Variants in FCGR3B observed in about 807,000 individuals in gnomAD.
The protein encoded by FCGR3B is Fc gamma receptor IIIb.
Under a neutral mutation model 26.7 loss-of-function variants are expected in FCGR3B, and 20 were observed. The ratio of observed to expected loss-of-function variants is 0.75; its 90% CI spans 0.53 to 1.09. FCGR3B has a LOEUF of 1.09. FCGR3B is among the 50% of genes least tolerant of loss of function. The pLI is 0.00. For missense variants in FCGR3B, 191 were observed against 279.7 expected, an observed-to-expected ratio of 0.68 and a Z score of 2.26; for synonymous variants, 79 against 107.0, an observed-to-expected ratio of 0.74 and a Z score of 1.62.
At position 161,623,826 on chromosome 1, in the gene FCGR3B, C is replaced by T. The variant is rs1224706912; in HGVS notation, c.*689G>A. 1 of 147,848 alleles carries T rather than the reference C, an allele frequency of 6.8e-6. No individual in the cohort carries two copies. Among genetic ancestry groups the T allele is most frequent in the Non-Finnish European group, 1.5e-5 (1 of 67,306 alleles). The allele number at this position is 147,848 out of a possible 1,614,324, so 9.2% of individuals were successfully genotyped here. A position where few individuals can be genotyped will look rare whatever the true frequency, so the allele number is the denominator to read the frequency against. On this transcript the variant is annotated 3_prime_UTR_variant, in exon 5 of 5. Transcript: ENST00000650385. ...AAATGGTCCAGTTCTGATAGAGTCCCCTGGAAGACTCAATTCTACGTCACC... is the reference window on the plus strand; with the variant it reads ...AAATGGTCCAGTTCTGATAGAGTCCTCTGGAAGACTCAATTCTACGTCACC...
At chr1:161,627,669 T>C (rs1026907629) in intron 3 of FCGR3B, among the ~76,000 whole-genome samples, 1 of 150,356 alleles carries the variant, frequency 6.7e-6, no homozygotes, top group African/African-American at 2.5e-5. Context: ...TCATGGTTAG[T>C]ATATAGTCTG....
rs777230967 is a variant in FCGR3B, at chr1:161,630,070, G to T, written c.62-35C>A. 24 of 1,433,038 alleles carry T rather than the reference G, an allele frequency of 1.7e-5. 1 individual carries two copies. Among genetic ancestry groups the T allele is most frequent in the Middle Eastern group, 2.1e-4 (1 of 4,780 alleles). 88.8% of individuals were successfully genotyped at this position (1,433,038 alleles called of 1,614,324 possible). ...CAAGATAATGTGGGGTGAGGACAGG[G>T]AGAGGAGCAGGCTCTACACTGCCAT... On this transcript the variant is annotated intron_variant, in intron 2 of 4. Transcript: ENST00000650385.
At chr1:161,627,901 T>G (rs1374535692) in intron 3 of FCGR3B, among the ~76,000 whole-genome samples, 2 of 150,058 alleles carry the variant, frequency 1.3e-5, no homozygotes, top group African/African-American at 5.0e-5. Context: ...CAATACAATA[T>G]GACGAGTGCT....
In FCGR3B at chr1:161,626,280, T is replaced by C; in HGVS notation, c.442A>G (p.Arg148Gly). The change falls in exon 4 of 5, where the codon AGG becomes GGG. Residue 148 changes from arginine (R) to glycine (G), a missense_variant. By Grantham distance (125) the Arg-to-Gly change is moderately radical. Around this residue, in one of 2 missense-constraint regions of FCGR3B, gnomAD observed 103 missense variants for 114.5 expected, o/e 0.90. Transcript: ENST00000650385. The stretch of plus-strand genomic sequence containing the variant: ...TCAGAATTATGATGAAAATACTTCC[T>C]GTCTTTGCCATTCTGTAAATATGTG... ...KVTYLQNGKD[R>G]KYFHHNSDFH... 1 of 1,608,792 alleles carries C rather than the reference T, an allele frequency of 6.2e-7. No homozygotes were observed. The highest frequency in any genetic ancestry group is 8.5e-7 in the Non-Finnish European group (1 of 1,177,726).
rs569548715 is a variant in FCGR3B at position 161,628,839 on chromosome 1, C to T, written c.319+939G>A. Among the ~76,000 whole-genome samples the T allele has an allele frequency of 1.2e-4, 17 of 145,172 alleles. 2 individuals carry two copies. The highest frequency in any genetic ancestry group is 4.1e-4 in the East Asian group (2 of 4,874). On this transcript the variant is annotated intron_variant, in intron 3 of 4. Coordinates refer to ENST00000650385, the MANE Select transcript of FCGR3B (RefSeq NM_001244753.2). ...GATTGTAGGGACACCAGGAAAGACC[C>T]CTGCCTTCAAAATATTTCTCCTACC...
At chr1:161,627,150 C>G (rs1426083859) in intron 3 of FCGR3B, among the ~76,000 whole-genome samples, 7 of 149,330 alleles carry the variant, frequency 4.7e-5, no homozygotes, top group African/African-American at 1.8e-4. Flanking sequence ...CGGGAAATGG[C>G]CTGAATAATT....
At chr1:161,630,438 G>A (rs541227624) in intron 1 of FCGR3B, 50 bp from the exon 2 acceptor site, 2 of 1,571,594 alleles carry the variant, frequency 1.3e-6, no homozygotes, top group African/African-American at 1.4e-5. Flanking sequence ...AGAGATCAGA[G>A]TGATTAGAAC....
At chr1:161,627,649 T>C (rs1366923822) in intron 3 of FCGR3B, among the ~76,000 whole-genome samples, 1 of 150,394 alleles carries the variant, frequency 6.6e-6, no homozygotes, top group African/African-American at 2.5e-5. Context: ...GAATCATTAT[T>C]AGCATAAAGT....
chr1:161,624,636 A>G lies in FCGR3B; in HGVS notation c.581T>C (p.Leu194Ser). Residue 194 changes from leucine to serine, a missense_variant, in exon 5 of 5, where the codon TTG becomes TCG. Physicochemically the swap from Leu to Ser is moderately radical, Grantham distance 145. Coordinates refer to ENST00000650385, the MANE Select transcript of FCGR3B (RefSeq NM_001244753.2). ...ETVNITITQG[L>S]AVSTISSFSP... ...GAATGATGAGATGGTTGACACTGCC[A>G]AACCTATTAGGAGAAGTGGAGAGAT... 1 of 1,604,096 alleles carries G rather than the reference A, an allele frequency of 6.2e-7. No homozygotes were observed. Among genetic ancestry groups the G allele is most frequent in the South Asian group, 1.1e-5 (1 of 90,096 alleles).
chr1:161,628,248 G>A (rs1679572819), intron 3 of FCGR3B, among the ~76,000 whole-genome samples: 1 of 149,970 alleles, frequency 6.7e-6, no homozygotes, highest in Non-Finnish European at 1.5e-5. Flanking sequence ...ACTCCAGCTT[G>A]GGTGACAGAG....
At chr1:161,626,804 T>C (rs1480032402) in intron 3 of FCGR3B, among the ~76,000 whole-genome samples, 1 of 150,282 alleles carries the variant, frequency 6.7e-6, no homozygotes, top group Non-Finnish European at 1.5e-5. Context: ...GTTGCTCTAT[T>C]AGAGGAAAAG....
rs373353962 is a variant in FCGR3B, at chr1:161,629,951, C to A, written c.146G>T (p.Gly49Val). ...GGAATTGTCCTCAGGGGAGTAGGCT[C>A]CCTGGCACTTCAGAGTCACACTGTC... ...EKDSVTLKCQ[G>V]AYSPEDNSTQ... is the part of the protein sequence containing the mutation. Residue 49 changes from glycine to valine, a missense_variant, in exon 3 of 5, where the codon GGA becomes GTA. By Grantham distance (109) the Gly-to-Val change is moderately radical. Around this residue, in one of 2 missense-constraint regions of FCGR3B, gnomAD observed 88 missense variants for 165.2 expected, o/e 0.53. Transcript: ENST00000650385. The A allele has an allele frequency of 6.6e-7, 1 of 1,517,094 alleles. No homozygotes were observed. Among genetic ancestry groups the A allele is most frequent in the Non-Finnish European group, 8.8e-7 (1 of 1,139,588 alleles). 94.0% of individuals were successfully genotyped at this position (1,517,094 alleles called of 1,614,324 possible). A position where few individuals can be genotyped will look rare whatever the true frequency, so the allele number is the denominator to read the frequency against.
chr1:161,630,319 C>G (rs149686267), intron 2 of FCGR3B, 49 bp downstream of exon 2: 1 of 1,564,420 alleles, frequency 6.4e-7, no homozygotes, highest in Non-Finnish European at 8.8e-7. Flanking sequence ...TGGCCATTGT[C>G]CCCATATGTG....
rs1321622717 is a variant in FCGR3B at position 161,628,311 on chromosome 1, A to G, written c.319+1467T>C. 4.0e-5 allele frequency among the ~76,000 whole-genome samples: 6 copies of G among 149,844 alleles called. 1 individual carries two copies. The highest frequency in any genetic ancestry group is 2.7e-4 in the Admixed American group (4 of 14,950). On this transcript the variant is annotated intron_variant, in intron 3 of 4. Transcript: ENST00000650385. ...AAAACAAACAAACAAACAAAGAAGT[A>G]AAAAGTGCTTCTCAGAGGAGGACAT...
At chr1:161,630,932 A>T in intron 1 of FCGR3B, 123 bp downstream of exon 1, 3 of 1,463,586 alleles carry the variant, frequency 2.0e-6, no homozygotes, top group Non-Finnish European at 2.7e-6. Flanking sequence ...CTCAATCCAC[A>T]GCTATAGATG....
rs147436040 is a variant in FCGR3B, at chr1:161,631,166, A to G, written c.-72T>C. On this transcript the variant is annotated 5_prime_UTR_variant, in exon 1 of 5. Transcript: ENST00000650385. ...AAAGGGACCAAGCCGACTAGACAGG[A>G]GGGAGTAAACAGCCTTTCCCCAGTC... 1.9e-3 allele frequency: 3,067 copies of G among 1,607,164 alleles called. 269 individuals carry two copies. The African/African-American group carries it at 0.035, about 18-fold the overall frequency.
rs751873543 is a variant in FCGR3B, at chr1:161,624,671, T to A, written c.578-32A>T. The A allele has an allele frequency of 5.7e-6, 9 of 1,573,174 alleles. No individual in the cohort carries two copies. In the African/African-American group the frequency reaches 8.4e-5, roughly 15 times the overall value. ...GGAGAAGTGGAGAGATGAAAAAAAA[T>A]GACAGTCACTAAGGCAGATATTTGG... On this transcript the variant is annotated intron_variant, in intron 4 of 4. Coordinates refer to ENST00000650385, the MANE Select transcript of FCGR3B (RefSeq NM_001244753.2).
intron 3 of FCGR3B, among the ~76,000 whole-genome samples, chr1:161,628,838 C>G (rs552938096): frequency 7.6e-5 from 11 of 145,010 alleles, no homozygotes; most frequent in African/African-American, 2.6e-4. Context: ...CAGGAAAGAC[C>G]CCTGCCTTCA....
At position 161,630,010 on chromosome 1, in the gene FCGR3B, G is replaced by A. The variant is rs1417107069; in HGVS notation, c.87C>T (p.Phe29=). The change falls in exon 3 of 5, where the codon TTC becomes TTT. Residue 29 remains phenylalanine, a synonymous_variant. Coordinates refer to ENST00000650385, the MANE Select transcript of FCGR3B (RefSeq NM_001244753.2). ...RTEDLPKAVV[F]LEPQWYSVLE... The stretch of plus-strand genomic sequence containing the variant: ...GCACGCTGTACCATTGAGGCTCCAG[G>A]AACACCACAGCCTTTGGGAGATCTT... 2.2e-6 allele frequency: 3 copies of A among 1,395,300 alleles called. No homozygotes were observed. The highest frequency in any genetic ancestry group is 9.6e-7 in the Non-Finnish European group (1 of 1,046,158). The allele number at this position is 1,395,300 out of a possible 1,614,324, so 86.4% of individuals were successfully genotyped here.
Sources: gnomAD v4.1 joint callset for allele counts (sites outside exome capture counted in the v4.1 genomes callset) on GRCh38, gnomAD v4.1.1 for gene constraint, gnomAD v4.1.1 regional missense constraint, MANE v1.5 for transcripts, NCBI Gene and HGNC (gene_info 2026-07-23, HGNC 2026-07-21) for gene names.